RNFT2: variants seen among roughly 807,000 people sequenced by gnomAD.
RNFT2 encodes ring finger protein, transmembrane 2.
Under a neutral mutation model 53.0 loss-of-function variants are expected in RNFT2, and 36 were observed. The ratio of observed to expected loss-of-function variants is 0.68; its 90% CI spans 0.52 to 0.90. The LOEUF is 0.90. Among genes scored for constraint, RNFT2 ranks in the 40% least tolerant of loss-of-function variants. The probability of loss-of-function intolerance (pLI) is 0.00; values close to 1 mark genes in which losing one functional copy is unlikely to be tolerated. For missense variants in RNFT2, 514 were observed against 585.6 expected (o/e 0.88, Z 1.26); for synonymous variants, 260 against 253.2 (o/e 1.03, Z -0.26).
At chr12:116,788,826 AGATG>A (rs10579272) in intron 7 of RNFT2, among the ~76,000 whole-genome samples, 108,752 of 149,944 alleles carry the variant, frequency 0.73, 41,461 homozygotes, top group Non-Finnish European at 0.84. Context: ...ATGGATGGAT[AGATG>A]GATGGATGGA....
At chr12:116,841,981 AGAGAGG>A (rs1311052360) in intron 10 of RNFT2, among the ~76,000 whole-genome samples, 7 of 135,454 alleles carry the variant, frequency 5.2e-5, no homozygotes, top group Non-Finnish European at 6.2e-5. Flanking sequence ...AGAGAGAGAG[AGAGAGG>A]GAGGATCCAG....
chr12:116,822,626 C>T (rs754963175), intron 7 of RNFT2, among the ~76,000 whole-genome samples: 10 of 152,164 alleles, frequency 6.6e-5, no homozygotes, highest in Non-Finnish European at 1.2e-4. Context: ...TGCAGTGAGT[C>T]CAACCTTGGC....
chr12:116,824,741 C>G (rs528991928), intron 7 of RNFT2, among the ~76,000 whole-genome samples: 5 of 152,164 alleles, frequency 3.3e-5, no homozygotes. Context: ...AGAGAGATCT[C>G]TCATGTCTCT....
At chr12:116,755,702 T>C (rs993701116) in intron 5 of RNFT2, 3 of 1,504,234 alleles carry the variant, frequency 2.0e-6, no homozygotes, top group South Asian at 1.1e-5. Flanking sequence ...AGTTTTGCCA[T>C]GGTAACACTT....
In RNFT2 at chr12:116,796,966, C is replaced by T. The variant is rs1377036207; in HGVS notation, c.882+17618C>T. 2.0e-5 allele frequency among the ~76,000 whole-genome samples: 3 copies of T among 152,148 alleles called. 1 individual carries two copies. In the East Asian group the frequency reaches 5.8e-4, roughly 29 times the overall value. On this transcript the variant is annotated intron_variant, in intron 7 of 10. Transcript: ENST00000257575. Reference sequence around the variant, plus strand: ...TTTCTGGATCATTTTTAGTTGGCACCATTGGAGGGGGTGTGCTACTGGTAT... The same window carrying T: ...TTTCTGGATCATTTTTAGTTGGCACTATTGGAGGGGGTGTGCTACTGGTAT...
At chr12:116,833,467 A>G (rs1876792694) in intron 7 of RNFT2, among the ~76,000 whole-genome samples, 1 of 152,110 alleles carries the variant, frequency 6.6e-6, no homozygotes, top group Non-Finnish European at 1.5e-5. Context: ...TGAGCCTTCC[A>G]AGCCACAGCG....
intron 6 of RNFT2, among the ~76,000 whole-genome samples, chr12:116,767,276 G>T (rs780476622): frequency 6.6e-5 from 10 of 151,896 alleles, no homozygotes; most frequent in Admixed American, 2.6e-4. Flanking sequence ...GGCTGGCAGT[G>T]GTGTGATCAT....
rs79052751 is a variant in RNFT2 at position 116,824,369 on chromosome 12, A to G, written c.883-9423A>G. 3.1e-3 allele frequency among the ~76,000 whole-genome samples: 478 copies of G among 152,280 alleles called. 2 individuals are homozygous for G. The highest frequency in any genetic ancestry group is 0.011 in the African/African-American group (463 of 41,560). On this transcript the variant is annotated intron_variant, in intron 7 of 10. Coordinates refer to ENST00000257575, the MANE Select transcript of RNFT2 (RefSeq NM_001382266.1). ...ACCTACTGAGTCCCAAACGCTTTCT[A>G]TTAGTTAGGATTGGAATCAAATAGT...
chr12:116,849,845 CTT>C lies in RNFT2; in HGVS notation c.*412_*413del, dbSNP rs750193491. 3.0e-3 allele frequency: 235 copies of C among 78,768 alleles called. No individual in the cohort carries two copies. The highest frequency in any genetic ancestry group is 0.015 in the Middle Eastern group (2 of 130). 4.9% of individuals were successfully genotyped at this position (78,768 alleles called of 1,614,324 possible). ...CCCTCCCTCCTTCCTTCCTTCCTTC[CTT>C]TTTTTTTTTTTTTTAAAACAAGGTC... On this transcript the variant is annotated 3_prime_UTR_variant, in exon 11 of 11. Transcript: ENST00000257575.
chr12:116,849,164 A>C, intron 10 of RNFT2, 150 bp from the exon 11 acceptor site: 1 of 593,954 alleles, frequency 1.7e-6, no homozygotes, highest in South Asian at 2.1e-5. Flanking sequence ...ATAACTCAGT[A>C]TTTTGGAGTC....
At chr12:116,790,814 G>A (rs73405110) in intron 7 of RNFT2, among the ~76,000 whole-genome samples, 13,560 of 152,068 alleles carry the variant, frequency 0.089, 1,688 homozygotes, top group African/African-American at 0.28. Flanking sequence ...AGATTTAGCC[G>A]AGCATGGTGG....
chr12:116,775,681 T>C (rs1230102039), intron 6 of RNFT2, among the ~76,000 whole-genome samples: 2 of 152,230 alleles, frequency 1.3e-5, no homozygotes, highest in African/African-American at 2.4e-5. Context: ...ATAAGACTCA[T>C]TAAAGTACTG....
In RNFT2 at chr12:116,851,888, C is replaced by A. The variant is rs1242366564; in HGVS notation, c.*2440C>A. The stretch of plus-strand genomic sequence containing the variant: ...CCTCTTCCTATTCTGTCATCTCCCT[C>A]ACTTAAGTCTCAGGCCTGTCAGCAG... On this transcript the variant is annotated 3_prime_UTR_variant, in exon 11 of 11. Coordinates refer to ENST00000257575, the MANE Select transcript of RNFT2 (RefSeq NM_001382266.1). The A allele has an allele frequency of 5.2e-6, 8 of 1,536,122 alleles. No homozygotes were observed. The East Asian group carries it at 7.3e-5, about 14-fold the overall frequency.
chr12:116,783,945 T>C (rs983202846), intron 7 of RNFT2, among the ~76,000 whole-genome samples: 2 of 152,216 alleles, frequency 1.3e-5, no homozygotes, highest in South Asian at 2.1e-4. Context: ...TACAAACTCA[T>C]TGAGTCATGA....
At chr12:116,806,588 A>G (rs2137159307) in intron 7 of RNFT2, among the ~76,000 whole-genome samples, 1 of 151,976 alleles carries the variant, frequency 6.6e-6, no homozygotes, top group East Asian at 1.9e-4. Flanking sequence ...TCTATAAAAA[A>G]AATTAATTAA....
In RNFT2 at chr12:116,739,537, T is replaced by C. The variant is rs192125192; in HGVS notation, c.-153-808T>C. Among the ~76,000 whole-genome samples, 90 of 151,292 alleles carry C rather than the reference T, an allele frequency of 5.9e-4. 2 individuals carry two copies. The highest frequency in any genetic ancestry group is 1.9e-3 in the African/African-American group (80 of 41,136). Reference sequence around the variant, plus strand: ...TAAAACAGGGCAATATTACGGGGAGTCAGGAGAATGAGAAGAGAAGGCCTC... The same window carrying C: ...TAAAACAGGGCAATATTACGGGGAGCCAGGAGAATGAGAAGAGAAGGCCTC... On this transcript the variant is annotated intron_variant, in intron 1 of 10. Coordinates refer to ENST00000257575, the MANE Select transcript of RNFT2 (RefSeq NM_001382266.1).
At chr12:116,833,520 T>C (rs1195813671) in intron 7 of RNFT2, among the ~76,000 whole-genome samples, 1 of 152,092 alleles carries the variant, frequency 6.6e-6, no homozygotes, top group Non-Finnish European at 1.5e-5. Context: ...TGCCCAAAGG[T>C]GTAGGGTTTC....
chr12:116,768,536 C>T (rs535935071), intron 6 of RNFT2, among the ~76,000 whole-genome samples: 29 of 152,164 alleles, frequency 1.9e-4, no homozygotes, highest in Non-Finnish European at 3.7e-4. Context: ...TTGCAGCCAT[C>T]ATAACGCTGT....
chr12:116,805,921 A>C (rs1316105463), intron 7 of RNFT2, among the ~76,000 whole-genome samples: 1 of 152,244 alleles, frequency 6.6e-6, no homozygotes, highest in African/African-American at 2.4e-5. Flanking sequence ...AGATGTTAAC[A>C]ACATTTACAA....
Sources: gnomAD v4.1 joint callset for allele counts (sites outside exome capture counted in the v4.1 genomes callset) on GRCh38, gnomAD v4.1.1 for gene constraint, MANE v1.5 for transcripts, NCBI Gene and HGNC (gene_info 2026-07-23, HGNC 2026-07-21) for gene names.